Variants in CLASP2 observed in about 807,000 individuals in gnomAD.
CLASP2 encodes CLIP-associating protein 2.
A neutral mutation model predicts 194.4 loss-of-function variants in CLASP2; 47 were observed. That is an observed-to-expected ratio of 0.24 (90% CI 0.19 to 0.31). The LOEUF is 0.31. Among genes scored for constraint, CLASP2 ranks in the 10% least tolerant of loss-of-function variants. The pLI, the probability that CLASP2 is intolerant of heterozygous loss-of-function variation, is 1.00. For missense variants in CLASP2, 1,445 were observed against 1,823.6 expected (o/e 0.79, Z 3.78); for synonymous variants, 619 against 633.5 (o/e 0.98, Z 0.34).
intron 24 of CLASP2, among the ~76,000 whole-genome samples, chr3:33,575,100 T>C (rs1050466715): frequency 2.6e-5 from 4 of 152,116 alleles, no homozygotes; most frequent in African/African-American, 4.8e-5. Flanking sequence ...GGATGAGGAA[T>C]AGCAAATCAA....
chr3:33,518,850 C>T (rs1268287274), intron 34 of CLASP2, among the ~76,000 whole-genome samples: 1 of 152,166 alleles, frequency 6.6e-6, no homozygotes, highest in Admixed American at 6.5e-5. Flanking sequence ...CAGATTGTTA[C>T]AAAACTGAAT....
intron 13 of CLASP2, among the ~76,000 whole-genome samples, chr3:33,611,742 T>G (rs2075224440): frequency 6.6e-6 from 1 of 152,166 alleles, no homozygotes; most frequent in Non-Finnish European, 1.5e-5. Flanking sequence ...GTACTCCTTG[T>G]TCTCTGAAAA....
intron 7 of CLASP2, among the ~76,000 whole-genome samples, chr3:33,658,743 T>C (rs1018946885): frequency 1.3e-5 from 2 of 151,786 alleles, no homozygotes; most frequent in Non-Finnish European, 2.9e-5. Context: ...GGTTGCAAGG[T>C]AAATTGTCAC....
chr3:33,591,899 T>C (rs1197073708), intron 21 of CLASP2, among the ~76,000 whole-genome samples: 1 of 152,198 alleles, frequency 6.6e-6, no homozygotes, highest in Non-Finnish European at 1.5e-5. Flanking sequence ...TAAGATATCA[T>C]GTATCTGTCC....
At chr3:33,621,138 C>T (rs903257145) in intron 11 of CLASP2, among the ~76,000 whole-genome samples, 1 of 151,910 alleles carries the variant, frequency 6.6e-6, no homozygotes, top group Non-Finnish European at 1.5e-5. Flanking sequence ...GTGAGACTGC[C>T]TTGCTCTGCT....
intron 21 of CLASP2, among the ~76,000 whole-genome samples, chr3:33,585,531 A>G (rs1038435219): frequency 1.2e-4 from 18 of 152,230 alleles, no homozygotes; most frequent in African/African-American, 4.3e-4. Flanking sequence ...ATCTAAAAAT[A>G]CCTAAACACA....
At chr3:33,632,455 T>C (rs556721097) in intron 8 of CLASP2, 84 bp from the exon 9 acceptor site, 3 of 925,956 alleles carry the variant, frequency 3.2e-6, no homozygotes, top group African/African-American at 3.4e-5. Flanking sequence ...TAAAACTCTT[T>C]TGATATCAAC....
chr3:33,606,543 G>C, intron 16 of CLASP2, 48 bp downstream of exon 16: 1 of 1,468,564 alleles, frequency 6.8e-7, no homozygotes, highest in Non-Finnish European at 9.4e-7. Flanking sequence ...AAACTTCAGG[G>C]AGTTGAGGAG....
chr3:33,581,023 A>AG (rs2065974571), intron 23 of CLASP2, among the ~76,000 whole-genome samples: 1 of 150,084 alleles, frequency 6.7e-6, no homozygotes, highest in Admixed American at 6.6e-5. Context: ...CTCAAAAAAA[A>AG]AAAAAAAAGA....
At chr3:33,596,856 C>T in intron 18 of CLASP2, 122 bp from the exon 19 acceptor site, 1 of 729,058 alleles carries the variant, frequency 1.4e-6, no homozygotes, top group Non-Finnish European at 2.2e-6. Flanking sequence ...ACGTATATAT[C>T]AAGCTTGTTT....
chr3:33,506,177 A>G lies in CLASP2; in HGVS notation c.4317+4381T>C, dbSNP rs553874486. Among the ~76,000 whole-genome samples, 278 of 152,104 alleles carry G rather than the reference A, an allele frequency of 1.8e-3. 1 individual carries two copies. The highest frequency in any genetic ancestry group is 3.2e-3 in the Non-Finnish European group (218 of 67,986). On this transcript the variant is annotated intron_variant, in intron 37 of 38. Transcript: ENST00000682230. ...ATCATGAGGTCAGGAGTTCAAGACCAGCCTGGCCAAGATGGTGAAACCTTG... is the reference window on the plus strand; with the variant it reads ...ATCATGAGGTCAGGAGTTCAAGACCGGCCTGGCCAAGATGGTGAAACCTTG...
At position 33,501,781 on chromosome 3, in the gene CLASP2, G is replaced by C. The variant is rs1315311542; in HGVS notation, c.4318-13C>G. On this transcript the variant is annotated splice_polypyrimidine_tract_variant and intron_variant, in intron 37 of 38. Transcript: ENST00000682230. Reference sequence around the variant, plus strand: ...AATTATCATAACCCTACGGAGAGAAGTCCACTGTTAGTACTCCAGAGAAGT... The same window carrying C: ...AATTATCATAACCCTACGGAGAGAACTCCACTGTTAGTACTCCAGAGAAGT... 1.9e-5 allele frequency: 29 copies of C among 1,566,780 alleles called. No homozygotes were observed. Among genetic ancestry groups the C allele is most frequent in the Non-Finnish European group, 2.5e-5 (28 of 1,137,572 alleles).
intron 37 of CLASP2, chr3:33,504,915 A>AGT (rs1434558808): frequency 7.1e-6 from 1 of 140,298 alleles, no homozygotes; most frequent in African/African-American, 2.5e-5. Context: ...GCCATGGATC[A>AGT]GTACCAGTCC....
At chr3:33,548,530 C>T (rs1367663439) in intron 30 of CLASP2, among the ~76,000 whole-genome samples, 1 of 152,090 alleles carries the variant, frequency 6.6e-6, no homozygotes, top group Non-Finnish European at 1.5e-5. Flanking sequence ...ATCTCCTGAC[C>T]TCATGATCCA....
At chr3:33,590,549 A>T (rs1345361428) in intron 21 of CLASP2, among the ~76,000 whole-genome samples, 1 of 152,242 alleles carries the variant, frequency 6.6e-6, no homozygotes, top group East Asian at 1.9e-4. Context: ...AAAATATACA[A>T]GATCAGGGAA....
At chr3:33,670,507 TAAC>T in intron 6 of CLASP2, among the ~76,000 whole-genome samples, 1 of 152,328 alleles carries the variant, frequency 6.6e-6, no homozygotes, top group East Asian at 1.9e-4. Context: ...TACTCTGCCC[TAAC>T]AACAAGTAAA....
intron 18 of CLASP2, among the ~76,000 whole-genome samples, chr3:33,600,953 CTT>C (rs1205156622): frequency 0.11 from 11,298 of 103,518 alleles, 140 homozygotes; most frequent in East Asian, 0.2. Context: ...CTTGATAAGG[CTT>C]TTTTTTTTTT....
chr3:33,573,033 TA>T, intron 25 of CLASP2, 76 bp downstream of exon 25: 1 of 1,530,550 alleles, frequency 6.5e-7, no homozygotes, highest in Non-Finnish European at 8.9e-7. Flanking sequence ...CCAGTATCTC[TA>T]AAGTGTTATA....
intron 25 of CLASP2, 50 bp downstream of exon 25, chr3:33,573,060 C>A (rs757680689): frequency 6.9e-6 from 11 of 1,597,774 alleles, no homozygotes; most frequent in East Asian, 2.2e-5. Flanking sequence ...AAAGTAAAAT[C>A]AAAAAGCGCT....
Sources: gnomAD v4.1 joint callset for allele counts (sites outside exome capture counted in the v4.1 genomes callset) on GRCh38, gnomAD v4.1.1 for gene constraint, MANE v1.5 for transcripts, NCBI Gene and HGNC (gene_info 2026-07-23, HGNC 2026-07-21) for gene names.